Variants in PNLDC1 observed in about 807,000 individuals in gnomAD.
PNLDC1 encodes the protein PARN like ribonuclease domain containing exonuclease 1, also known as poly(A)-specific ribonuclease PNLDC1.
In PNLDC1, 70 loss-of-function variants were observed where a neutral mutation model predicts 82.0. The ratio of observed to expected loss-of-function variants is 0.85; its 90% CI spans 0.70 to 1.04. The LOEUF is 1.04. PNLDC1 is among the 50% of genes least tolerant of loss of function. The pLI is 0.00. For synonymous variants in PNLDC1, 280 were observed against 249.3 expected, an observed-to-expected ratio of 1.12 and a Z score of -1.16; for missense variants, 631 against 661.1, an observed-to-expected ratio of 0.95 and a Z score of 0.50.
rs762339891 is a variant in PNLDC1, at chr6:159,810,036, G to A, written c.794G>A (p.Gly265Glu). The A allele has an allele frequency of 1.3e-5, 21 of 1,613,830 alleles. No homozygotes were observed. The highest frequency in any genetic ancestry group is 1.7e-5 in the Non-Finnish European group (20 of 1,179,858). Residue 265 changes from glycine to glutamate, a missense_variant, in exon 10 of 19, where the codon GGA (glycine) becomes GAA (glutamate). Transcript: ENST00000392167. ...ATTTACTCCAAGTAGCCCTTAGTGGGACATAATATGATGATGGACCTGCTG... is the reference window on the plus strand; with the variant it reads ...ATTTACTCCAAGTAGCCCTTAGTGGAACATAATATGATGATGGACCTGCTG... ...MLVKAQKPLVGHNMMMDLLHL... is the reference protein window; with the variant it reads ...MLVKAQKPLVEHNMMMDLLHL...
At position 159,819,211 on chromosome 6, in the gene PNLDC1, C is replaced by G. The variant is rs756958464; in HGVS notation, c.1434-43C>G. 6.2e-7 allele frequency: 1 copy of G among 1,611,270 alleles called. No homozygotes were observed. The highest frequency in any genetic ancestry group is 1.7e-5 in the Admixed American group (1 of 59,998). On this transcript the variant is annotated intron_variant, in intron 17 of 18. Transcript: ENST00000392167. This position sits in a 1 kb window ranked among gnomAD's most constrained non-coding sequence, Gnocchi z 4.6. ...ACCCGCCTGATCACAGCAGGCGGCG[C>G]CATCCTGCTGCCTGGCTGACCACAG...
chr6:159,816,272 C>T lies in PNLDC1; in HGVS notation c.1060+239C>T, dbSNP rs538538912. On this transcript the variant is annotated intron_variant, in intron 13 of 18. Transcript: ENST00000392167. ...CTCTGCTTACTCCATGTAACTCCTG[C>T]CCCAAATGAGCGAGCCCAGAATGCA... Among the ~76,000 whole-genome samples, 7 of 148,484 alleles carry T rather than the reference C, an allele frequency of 4.7e-5. No individual in the cohort carries two copies. The South Asian group carries it at 8.9e-4, about 19-fold the overall frequency.
At chr6:159,817,194 A>G in intron 15 of PNLDC1, 43 bp downstream of exon 15, 1 of 1,570,534 alleles carries the variant, frequency 6.4e-7, no homozygotes, top group Non-Finnish European at 8.8e-7. Flanking sequence ...ATCGGTGGTC[A>G]GGATTTATTG....
intron 14 of PNLDC1, 70 bp downstream of exon 14, chr6:159,816,666 C>G (rs1781844757): frequency 3.0e-6 from 4 of 1,355,140 alleles, no homozygotes; most frequent in Non-Finnish European, 4.2e-6. Context: ...GGGTCTCACT[C>G]TGTTGCCCAG....
upstream of PNLDC1, chr6:159,800,212 G>C: frequency 8.0e-7 from 1 of 1,242,246 alleles, no homozygotes; most frequent in South Asian, 1.4e-5. Context: ...GTTTCCATGT[G>C]TGCGCCCTTT....
At chr6:159,816,437 C>A in intron 13 of PNLDC1, 106 bp from the exon 14 acceptor site, 2 of 1,003,366 alleles carry the variant, frequency 2.0e-6, no homozygotes, top group Non-Finnish European at 3.2e-6. Context: ...GTATGCAGGA[C>A]CATGGGAGGT....
At chr6:159,816,225 G>T (rs374566677) in intron 13 of PNLDC1, among the ~76,000 whole-genome samples, 192 bp downstream of exon 13, 1 of 53,738 alleles carries the variant, frequency 1.9e-5, no homozygotes, top group Non-Finnish European at 4.0e-5. Context: ...GGAGGGGGAG[G>T]TTTGTGTGGG....
Position 159,816,011 on chromosome 6 carries a change from C to T in PNLDC1, c.1038C>T (p.His346=), listed in dbSNP as rs753051587. The change falls in exon 13 of 19, where the codon CAC becomes CAT. Residue 346 remains histidine (H), a synonymous_variant. Transcript: ENST00000392167. Reference sequence around the variant, plus strand: ...AGAATTCTGGACCAGAGATTGTTCACGCGAGCAGGTGTGAGAAATATGGTA... The same window carrying T: ...AGAATTCTGGACCAGAGATTGTTCATGCGAGCAGGTGTGAGAAATATGGTA... ...PTKNSGPEIV[H]ASRCEKYVET... is the part of the protein sequence containing the mutation. The T allele has an allele frequency of 2.7e-5, 44 of 1,613,204 alleles. No homozygotes were observed. The East Asian group carries it at 2.9e-4, about 11-fold the overall frequency.
Position 159,809,075 on chromosome 6 carries a change from C to A in PNLDC1, c.700C>A (p.Arg234=). The change falls in exon 9 of 19, where the codon CGA becomes AGA. Residue 234 remains arginine (R), a synonymous_variant. Transcript: ENST00000392167. The stretch of plus-strand genomic sequence containing the variant: ...GTATCTTCAGAACACCTCTTGTGAC[C>A]GAGAGAGCTGTTGGAAGGAAAATAT... ...RWYLQNTSCD[R]ESCWKENILL... The A allele has an allele frequency of 1.2e-6, 2 of 1,613,992 alleles. No individual in the cohort carries two copies. The highest frequency in any genetic ancestry group is 1.7e-6 in the Non-Finnish European group (2 of 1,179,992).
chr6:159,814,728 G>A (rs1781759058), intron 12 of PNLDC1, among the ~76,000 whole-genome samples: 1 of 152,172 alleles, frequency 6.6e-6, no homozygotes, highest in Non-Finnish European at 1.5e-5. Flanking sequence ...CCACTCACTG[G>A]TTCTGTGAGT....
chr6:159,803,825 A>T, intron 4 of PNLDC1, 140 bp from the exon 5 acceptor site: 1 of 955,082 alleles, frequency 1.0e-6, no homozygotes, highest in Non-Finnish European at 1.5e-6. Context: ...TGCCAATCAT[A>T]GCTCCTGAAA....
chr6:159,819,028 A>T lies in PNLDC1; in HGVS notation c.1340A>T (p.Gln447Leu), dbSNP rs780351107. The change falls in exon 17 of 19, where the codon CAG becomes CTG. Residue 447 changes from glutamine to leucine, a missense_variant. By Grantham distance (113) the Gln-to-Leu change is moderately radical. Transcript: ENST00000392167. The surrounding 1 kb of genome is among the most constrained non-coding windows in gnomAD (Gnocchi z 4.6). Reference protein sequence around the residue: ...SVKRWPGVSEQQVYHKFQNLC... With the variant: ...SVKRWPGVSELQVYHKFQNLC... ...AAAAGGTGGCCTGGGGTCAGCGAGC[A>T]GCAAGTCTACCATAAGTTTCAGAAT... is the stretch of plus-strand genomic sequence containing the variant. The T allele has an allele frequency of 6.2e-7, 1 of 1,614,056 alleles. No individual in the cohort carries two copies. The highest frequency in any genetic ancestry group is 8.5e-7 in the Non-Finnish European group (1 of 1,180,016).
rs759450260 is a variant in PNLDC1, at chr6:159,803,226, G to A, written c.209-45G>A. ...TTTTTGTCTTTGTAGTGAAATTCAGGTTGCTTTTCCTTGGCATTCATTCCC... is the reference window on the plus strand; with the variant it reads ...TTTTTGTCTTTGTAGTGAAATTCAGATTGCTTTTCCTTGGCATTCATTCCC... On this transcript the variant is annotated intron_variant, in intron 3 of 18. Transcript: ENST00000392167. The A allele has an allele frequency of 5.6e-6, 9 of 1,597,644 alleles. No individual in the cohort carries two copies. In the South Asian group the frequency reaches 9.9e-5, roughly 18 times the overall value.
intron 11 of PNLDC1, among the ~76,000 whole-genome samples, chr6:159,812,463 GA>G (rs1781677324): frequency 2.0e-5 from 3 of 149,874 alleles, no homozygotes; most frequent in African/African-American, 7.4e-5. Context: ...CACTGGGGGG[GA>G]GGGGGTTCCC....
rs1781652363 is a variant in PNLDC1 at position 159,811,750 on chromosome 6, C to T, written c.903C>T (p.Leu301=). The T allele has an allele frequency of 3.1e-6, 5 of 1,613,630 alleles. No individual in the cohort carries two copies. Among genetic ancestry groups the T allele is most frequent in the Non-Finnish European group, 4.2e-6 (5 of 1,179,564 alleles). Reference sequence around the variant, plus strand: ...ATATCCACAGCCTATTTCCTGTTCTCATTGATACCAAGAGTGTAACAAAGG... The same window carrying T: ...ATATCCACAGCCTATTTCCTGTTCTTATTGATACCAAGAGTGTAACAAAGG... ...KQNIHSLFPV[L]IDTKSVTKDI... The change falls in exon 11 of 19, where the codon CTC becomes CTT. Residue 301 remains leucine (L), a synonymous_variant. Transcript: ENST00000392167.
chr6:159,816,987 G>A (rs1781856557), intron 14 of PNLDC1, 122 bp from the exon 15 acceptor site: 3 of 1,028,478 alleles, frequency 2.9e-6, no homozygotes, highest in Non-Finnish European at 4.5e-6. Flanking sequence ...TTTGTTGGCA[G>A]TATGCCCCTG....
intron 9 of PNLDC1, 132 bp from the exon 10 acceptor site, chr6:159,809,894 T>G: frequency 1.4e-6 from 1 of 717,264 alleles, no homozygotes; most frequent in Non-Finnish European, 2.4e-6. Context: ...CAAAGGAAGG[T>G]TAGGATGGAA....
At chr6:159,800,728 G>A (rs748705189) in intron 1 of PNLDC1, 44 bp from the exon 2 acceptor site, 7 of 1,614,070 alleles carry the variant, frequency 4.3e-6, no homozygotes, top group African/African-American at 4.0e-5. Context: ...GAGTGCTGGC[G>A]ATGTTCTGCA....
At chr6:159,808,238 C>T (rs1468288365) in intron 7 of PNLDC1, among the ~76,000 whole-genome samples, 1 of 152,154 alleles carries the variant, frequency 6.6e-6, no homozygotes, top group Non-Finnish European at 1.5e-5. Flanking sequence ...TCTTATGTTT[C>T]AATGATCACA....
Sources: allele counts gnomAD v4.1 joint callset (sites outside exome capture counted in the v4.1 genomes callset), GRCh38; gene constraint gnomAD v4.1.1; non-coding constraint Gnocchi (gnomAD v3.1); transcripts MANE v1.5; gene names NCBI Gene and HGNC (gene_info 2026-07-23, HGNC 2026-07-21).